JPH4: variants seen among roughly 807,000 people sequenced by gnomAD.
JPH4 encodes junctophilin 4, also known as junctophilin-4.
Under a neutral mutation model 57.6 loss-of-function variants are expected in JPH4, and 18 were observed. That is an observed-to-expected ratio of 0.31 (90% CI 0.22 to 0.46). JPH4 has a LOEUF of 0.46. Among genes scored for constraint, JPH4 ranks in the 20% least tolerant of loss-of-function variants. JPH4 has a pLI of 1.00. For missense variants in JPH4, 727 were observed against 911.1 expected, an observed-to-expected ratio of 0.80 and a Z score of 2.60; for synonymous variants, 425 against 406.6, an observed-to-expected ratio of 1.05 and a Z score of -0.54.
chr14:23,574,760 T>C (rs988415662), intron 3 of JPH4, among the ~76,000 whole-genome samples: 1 of 152,222 alleles, frequency 6.6e-6, no homozygotes, highest in African/African-American at 2.4e-5. Context: ...TTGGTTTAAA[T>C]AAAAATATTA....
rs116701530 is a variant in JPH4, at chr14:23,575,559, C to A, written c.1151+126G>T. On this transcript the variant is annotated intron_variant, in intron 3 of 5. Transcript: ENST00000356300. This position sits in a 1 kb window ranked among gnomAD's most constrained non-coding sequence, Gnocchi z 6.9. ...AATGCCCAGGGGTCCAACTGCCTGG[C>A]CTTAGGCTTGCAATAGCAGGCCCTA... 3.1e-3 allele frequency: 4,013 copies of A among 1,286,260 alleles called. 71 individuals are homozygous for A. In the African/African-American group the frequency reaches 0.051, roughly 16 times the overall value. 79.7% of individuals were successfully genotyped at this position (1,286,260 alleles called of 1,614,324 possible). A position where few individuals can be genotyped will look rare whatever the true frequency, so the allele number is the denominator to read the frequency against.
In JPH4 at chr14:23,577,124, C is replaced by A; in HGVS notation, c.330G>T (p.Trp110Cys). Residue 110 changes from tryptophan (W) to cysteine (C), a missense_variant, in exon 2 of 6, where the codon TGG (tryptophan) becomes TGT (cysteine). Trp to Cys is a radical substitution (Grantham distance 215). Transcript: ENST00000356300. The surrounding 1 kb of genome is among the most constrained non-coding windows in gnomAD (Gnocchi z 8.4). ...SVSGLRYAGLWKDGFQDGYGT... is the reference protein window; with the variant it reads ...SVSGLRYAGLCKDGFQDGYGT... ...CGTAGCCGTCCTGGAAACCGTCCTT[C>A]CAGAGCCCGGCGTAGCGCAGGCCGG... is the stretch of plus-strand genomic sequence containing the variant. 1 of 1,561,858 alleles carries A rather than the reference C, an allele frequency of 6.4e-7. No homozygotes were observed. Among genetic ancestry groups the A allele is most frequent in the East Asian group, 2.4e-5 (1 of 42,124 alleles).
intron 3 of JPH4, among the ~76,000 whole-genome samples, chr14:23,572,221 C>T (rs1889169774): frequency 6.6e-6 from 1 of 152,102 alleles, no homozygotes; most frequent in African/African-American, 2.4e-5. Context: ...AGGGCCAGGC[C>T]CTCCTGGAAC....
Position 23,569,572 on chromosome 14 carries a change from A to C in JPH4, c.*62T>G. The C allele has an allele frequency of 9.2e-7, 1 of 1,089,046 alleles. No homozygotes were observed. The highest frequency in any genetic ancestry group is 1.4e-6 in the Non-Finnish European group (1 of 724,690). 67.5% of individuals were successfully genotyped at this position (1,089,046 alleles called of 1,614,324 possible). A position where few individuals can be genotyped will look rare whatever the true frequency, so the allele number is the denominator to read the frequency against. ...CAGCCAGGAAGAGGAGAAGAGAAAAAAGGCAGGTCAAAGGGGTGAAGAGGC... is the reference window on the plus strand; with the variant it reads ...CAGCCAGGAAGAGGAGAAGAGAAAACAGGCAGGTCAAAGGGGTGAAGAGGC... On this transcript the variant is annotated 3_prime_UTR_variant, in exon 6 of 6. Transcript: ENST00000356300. This position sits in a 1 kb window ranked among gnomAD's most constrained non-coding sequence, Gnocchi z 4.8.
At position 23,571,158 on chromosome 14, in the gene JPH4, G is replaced by A. The variant is rs1451029659; in HGVS notation, c.1573C>T (p.Pro525Ser). Residue 525 changes from proline (P) to serine (S), a missense_variant, in exon 5 of 6, where the codon CCC (proline) becomes TCC (serine). Coordinates refer to ENST00000356300, the MANE Select transcript of JPH4 (RefSeq NM_001146028.2). This position sits in a 1 kb window ranked among gnomAD's most constrained non-coding sequence, Gnocchi z 4.6. Reference sequence around the variant, plus strand: ...CCGAGGAGTGGGGAACCGTCTCTGGGCCCTGGCCCTTGCATCCCAGCCTCA... The same window carrying A: ...CCGAGGAGTGGGGAACCGTCTCTGGACCCTGGCCCTTGCATCCCAGCCTCA... The part of the protein sequence containing the change: ...EDEAGMQGPG[P>S]RDGSPLLGGC... 6.2e-7 allele frequency: 1 copy of A among 1,614,086 alleles called. No individual in the cohort carries two copies. The highest frequency in any genetic ancestry group is 8.5e-7 in the Non-Finnish European group (1 of 1,180,002).
At position 23,577,359 on chromosome 14, in the gene JPH4, C is replaced by T; in HGVS notation, c.95G>A (p.Gly32Asp). 1 of 1,520,960 alleles carries T rather than the reference C, an allele frequency of 6.6e-7. No homozygotes were observed. The allele number at this position is 1,520,960 out of a possible 1,614,324, so 94.2% of individuals were successfully genotyped here. A position where few individuals can be genotyped will look rare whatever the true frequency, so the allele number is the denominator to read the frequency against. ...GCTGTACTCGCCCTGGGCGCCGGGG[C>T]CCGTGCACACGCCGTAGCCATGTGC... ...GRAHGYGVCT[G>D]PGAQGEYSGC... Residue 32 changes from glycine (G) to aspartate (D), a missense_variant, in exon 2 of 6, where the codon GGC becomes GAC. Coordinates refer to ENST00000356300, the MANE Select transcript of JPH4 (RefSeq NM_001146028.2). The surrounding 1 kb of genome is among the most constrained non-coding windows in gnomAD (Gnocchi z 8.4).
chr14:23,577,088 G>A lies in JPH4; in HGVS notation c.366C>T (p.Thr122=). The A allele has an allele frequency of 6.5e-7, 1 of 1,549,616 alleles. No homozygotes were observed. Among genetic ancestry groups the A allele is most frequent in the Non-Finnish European group, 8.7e-7 (1 of 1,151,800 alleles). The change falls in exon 2 of 6, where the codon ACC becomes ACT. Residue 122 remains threonine (T), a synonymous_variant. Transcript: ENST00000356300. The surrounding 1 kb of genome is among the most constrained non-coding windows in gnomAD (Gnocchi z 8.4). ...CGGGCCCCGCACCTCCGTCGGAGTA[G>A]GTCTCAGTGCCGTAGCCGTCCTGGA... ...DGFQDGYGTE[T]YSDGGTYQGQ...
At position 23,576,534 on chromosome 14, in the gene JPH4, T is replaced by C; in HGVS notation, c.380-78A>G. On this transcript the variant is annotated intron_variant, in intron 2 of 5. Transcript: ENST00000356300. The surrounding 1 kb of genome is among the most constrained non-coding windows in gnomAD (Gnocchi z 8.0). ...TTGCGCCCCAAGTCCCAAGCGCCCC[T>C]GGAAGCCCAAGCGTCAGGCGGGAGA... is the stretch of plus-strand genomic sequence containing the variant. 8.9e-6 allele frequency: 11 copies of C among 1,234,840 alleles called. No homozygotes were observed. The highest frequency in any genetic ancestry group is 3.2e-5 in the East Asian group (1 of 31,642). 76.5% of individuals were successfully genotyped at this position (1,234,840 alleles called of 1,614,324 possible).
chr14:23,568,792 C>G lies in JPH4; in HGVS notation c.*842G>C, dbSNP rs753151669. On this transcript the variant is annotated 3_prime_UTR_variant, in exon 6 of 6. Coordinates refer to ENST00000356300, the MANE Select transcript of JPH4 (RefSeq NM_001146028.2). ...AAGGCCACAAGTGAGTCCAGACCAA[C>G]CAAATAAACTATTATGGGGGAGACA... is the stretch of plus-strand genomic sequence containing the variant. 6 of 985,954 alleles carry G rather than the reference C, an allele frequency of 6.1e-6. No homozygotes were observed. The highest frequency in any genetic ancestry group is 7.2e-6 in the Non-Finnish European group (6 of 830,040). The allele number at this position is 985,954 out of a possible 1,614,324, so 61.1% of individuals were successfully genotyped here. A position where few individuals can be genotyped will look rare whatever the true frequency, so the allele number is the denominator to read the frequency against.
intron 3 of JPH4, among the ~76,000 whole-genome samples, chr14:23,573,979 C>G (rs961720185): frequency 6.6e-6 from 1 of 151,892 alleles, no homozygotes; most frequent in African/African-American, 2.4e-5. Context: ...CGCACTCTCA[C>G]TGTGTCACCC....
At chr14:23,573,032 G>A (rs1205292507) in intron 3 of JPH4, 1 of 688,150 alleles carries the variant, frequency 1.5e-6, no homozygotes, top group Non-Finnish European at 2.7e-6. Context: ...CTGAGGAAAA[G>A]GCAGGCCGAC....
At chr14:23,578,079 C>T (rs899357296) in intron 1 of JPH4, 101 bp downstream of exon 1, 1 of 25,204 alleles carries the variant, frequency 4.0e-5, no homozygotes, top group African/African-American at 1.7e-4. Flanking sequence ...GGGGGTTTTT[C>T]GGGGGGTTTT....
intron 3 of JPH4, among the ~76,000 whole-genome samples, chr14:23,574,047 A>G (rs1266799592): frequency 1.3e-5 from 2 of 152,108 alleles, no homozygotes; most frequent in African/African-American, 4.8e-5. Flanking sequence ...TCTCTCAAAA[A>G]GTCTCAAATT....
In JPH4 at chr14:23,571,407, C is replaced by T; in HGVS notation, c.1324G>A (p.Asp442Asn). The change falls in exon 5 of 6, where the codon GAC becomes AAC. Residue 442 changes from aspartate (D) to asparagine (N), a missense_variant. By Grantham distance (23) the Asp-to-Asn change is conservative. Coordinates refer to ENST00000356300, the MANE Select transcript of JPH4 (RefSeq NM_001146028.2). This position sits in a 1 kb window ranked among gnomAD's most constrained non-coding sequence, Gnocchi z 4.6. The stretch of plus-strand genomic sequence containing the variant: ...CCGTTCTCATATACCCCAGGGCTGT[C>T]CTCATCCAGGGGCTCCGTGTCGGAA... Reference protein sequence around the residue: ...EGSDTEPLDEDSPGVYENGLT... With the variant: ...EGSDTEPLDENSPGVYENGLT... 6.3e-7 allele frequency: 1 copy of T among 1,599,874 alleles called. No homozygotes were observed. The highest frequency in any genetic ancestry group is 8.5e-7 in the Non-Finnish European group (1 of 1,179,774).
rs1283634717 is a variant in JPH4 at position 23,572,978 on chromosome 14, T to TC, written c.1152-1059dup. Reference sequence around the variant, plus strand: ...GCTGTTAATCGTAGATGCCTTGTCATCCTTAAATGAGTTCTGTAATTCTGA... The same window carrying TC: ...GCTGTTAATCGTAGATGCCTTGTCATCCCTTAAATGAGTTCTGTAATTCTGA... On this transcript the variant is annotated intron_variant, in intron 3 of 5. Coordinates refer to ENST00000356300, the MANE Select transcript of JPH4 (RefSeq NM_001146028.2). The TC allele has an allele frequency of 8.5e-6, 6 of 702,236 alleles. No homozygotes were observed. In the Admixed American group the frequency reaches 1.2e-4, roughly 14 times the overall value. The allele number at this position is 702,236 out of a possible 1,614,324, so 43.5% of individuals were successfully genotyped here.
chr14:23,575,870 G>C lies in JPH4; in HGVS notation c.966C>G (p.Arg322=), dbSNP rs768842366. 9 of 1,576,570 alleles carry C rather than the reference G, an allele frequency of 5.7e-6. 1 individual carries two copies. In the South Asian group the frequency reaches 1.0e-4, roughly 18 times the overall value. The change falls in exon 3 of 6, where the codon CGC becomes CGG. Residue 322 remains arginine (R), a synonymous_variant. Transcript: ENST00000356300. This position sits in a 1 kb window ranked among gnomAD's most constrained non-coding sequence, Gnocchi z 6.9. ...NRRHGYGRTT[R]PDGSREEGKY... Reference sequence around the variant, plus strand: ...TGCCCTCCTCGCGGGAGCCGTCGGGGCGGGTGGTGCGCCCGTAGCCGTGCC... The same window carrying C: ...TGCCCTCCTCGCGGGAGCCGTCGGGCCGGGTGGTGCGCCCGTAGCCGTGCC...
rs1222682788 is a variant in JPH4, at chr14:23,575,629, T to G, written c.1151+56A>C. 1 of 1,550,826 alleles carries G rather than the reference T, an allele frequency of 6.4e-7. No individual in the cohort carries two copies. Among genetic ancestry groups the G allele is most frequent in the African/African-American group, 1.4e-5 (1 of 73,332 alleles). Reference sequence around the variant, plus strand: ...CCCTTAGGCACACCCGCCTTCCTGGTCCCCAGCGCACCCCCTCCTCTTAGC... The same window carrying G: ...CCCTTAGGCACACCCGCCTTCCTGGGCCCCAGCGCACCCCCTCCTCTTAGC... On this transcript the variant is annotated intron_variant, in intron 3 of 5. Transcript: ENST00000356300. This position sits in a 1 kb window ranked among gnomAD's most constrained non-coding sequence, Gnocchi z 6.9.
rs912891265 is a variant in JPH4, at chr14:23,576,068, T to A, written c.768A>T (p.Gly256=). The change falls in exon 3 of 6, where the codon GGA becomes GGT. Residue 256 remains glycine, a synonymous_variant. Coordinates refer to ENST00000356300, the MANE Select transcript of JPH4 (RefSeq NM_001146028.2). The surrounding 1 kb of genome is among the most constrained non-coding windows in gnomAD (Gnocchi z 8.0). ...GCCCGCTGGCCTCCGAGCCGGGCGG[T>A]CCGGTGCTGCCCACCTCGCTGCTCA... ...SEVSSEVGST[G]PPGSEASGPP... is the part of the protein sequence containing the mutation. 7.6e-7 allele frequency: 1 copy of A among 1,313,688 alleles called. No homozygotes were observed. The highest frequency in any genetic ancestry group is 4.2e-5 in the Admixed American group (1 of 23,942). The allele number at this position is 1,313,688 out of a possible 1,614,324, so 81.4% of individuals were successfully genotyped here. A position where few individuals can be genotyped will look rare whatever the true frequency, so the allele number is the denominator to read the frequency against.
intron 3 of JPH4, chr14:23,572,700 T>G: frequency 1.7e-6 from 1 of 586,018 alleles, no homozygotes; most frequent in Non-Finnish European, 3.0e-6. Flanking sequence ...GCTCTGGAAC[T>G]GGAATGAGAG....
Sources: gnomAD v4.1 joint callset for allele counts (sites outside exome capture counted in the v4.1 genomes callset) on GRCh38, gnomAD v4.1.1 for gene constraint, Gnocchi (gnomAD v3.1) non-coding constraint, MANE v1.5 for transcripts, NCBI Gene and HGNC (gene_info 2026-07-23, HGNC 2026-07-21) for gene names.